Variants in UBA5 observed in about 807,000 individuals in gnomAD.
The protein encoded by UBA5 is ubiquitin like modifier activating enzyme 5.
Under a neutral mutation model 52.9 loss-of-function variants are expected in UBA5, and 28 were observed. That is an observed-to-expected ratio of 0.53 (90% CI 0.39 to 0.73). The LOEUF is 0.73. UBA5 is among the 30% of genes least tolerant of loss of function. The probability of loss-of-function intolerance (pLI) is 0.00; values close to 1 mark genes in which losing one functional copy is unlikely to be tolerated. For synonymous variants in UBA5, 135 were observed against 162.1 expected, an observed-to-expected ratio of 0.83 and a Z score of 1.27; for missense variants, 388 against 492.7, an observed-to-expected ratio of 0.79 and a Z score of 2.01.
In UBA5 at chr3:132,668,856, T is replaced by C; in HGVS notation, c.336T>C (p.Asn112=). The change falls in exon 4 of 12, where the codon AAT becomes AAC. Residue 112 remains asparagine (N), a synonymous_variant. Coordinates refer to ENST00000356232, the MANE Select transcript of UBA5 (RefSeq NM_024818.6). ...ATTATGACAAGGTGGAACTAGCCAA[T>C]ATGAATAGACTTTTCTTCCAACCTC... ...LFDYDKVELA[N]MNRLFFQPHQ... is the part of the protein sequence containing the mutation. 1.9e-6 allele frequency: 3 copies of C among 1,611,698 alleles called. No homozygotes were observed. The South Asian group carries it at 3.3e-5, about 18-fold the overall frequency.
chr3:132,676,911 A>G lies in UBA5; in HGVS notation c.*385A>G. ...GACAATAAAGTAGTATATGATCCTCAGATACAGGGAGAAGGACAAGGCATA... is the reference window on the plus strand; with the variant it reads ...GACAATAAAGTAGTATATGATCCTCGGATACAGGGAGAAGGACAAGGCATA... On this transcript the variant is annotated 3_prime_UTR_variant, in exon 12 of 12. Coordinates refer to ENST00000356232, the MANE Select transcript of UBA5 (RefSeq NM_024818.6). This position sits in a 1 kb window ranked among gnomAD's most constrained non-coding sequence, Gnocchi z 4.1. 1 of 456,376 alleles carries G rather than the reference A, an allele frequency of 2.2e-6. No individual in the cohort carries two copies. The highest frequency in any genetic ancestry group is 1.6e-5 in the South Asian group (1 of 64,448). 28.3% of individuals were successfully genotyped at this position (456,376 alleles called of 1,614,324 possible).
Position 132,660,477 on chromosome 3 carries a change from C to CG in UBA5, c.-60dup. ...ACCCCTCGCGGGCCCAGCCGAGCAA[C>CG]GTGGGGCGAAGGCGGCGGCGAAGGC... On this transcript the variant is annotated 5_prime_UTR_variant, in exon 1 of 12. Transcript: ENST00000356232. The surrounding 1 kb of genome is among the most constrained non-coding windows in gnomAD (Gnocchi z 4.1). 6.5e-7 allele frequency: 1 copy of CG among 1,537,924 alleles called. No homozygotes were observed. Among genetic ancestry groups the CG allele is most frequent in the South Asian group, 1.2e-5 (1 of 83,500 alleles).
chr3:132,658,112 C>T (rs1175228520), upstream of UBA5, among the ~76,000 whole-genome samples: 3 of 152,126 alleles, frequency 2.0e-5, no homozygotes, highest in African/African-American at 7.2e-5. Flanking sequence ...ATCCACGTGC[C>T]TCGGCCTCCC....
At chr3:132,666,330 A>G (rs1002000064) in intron 3 of UBA5, among the ~76,000 whole-genome samples, 1 of 152,182 alleles carries the variant, frequency 6.6e-6, no homozygotes, top group Non-Finnish European at 1.5e-5. Flanking sequence ...TGTTTTAGAT[A>G]TAGAAACTTA....
upstream of UBA5, among the ~76,000 whole-genome samples, chr3:132,657,866 C>CTTTTTT (rs56190801): frequency 3.2e-4 from 38 of 119,156 alleles, no homozygotes; most frequent in African/African-American, 7.1e-4. Flanking sequence ...ACACATATTC[C>CTTTTTT]TTTTTTTTTT....
chr3:132,676,828 C>A lies in UBA5; in HGVS notation c.*302C>A. The A allele has an allele frequency of 2.1e-6, 1 of 476,732 alleles. No individual in the cohort carries two copies. The highest frequency in any genetic ancestry group is 3.1e-4 in the Middle Eastern group (1 of 3,196). 29.5% of individuals were successfully genotyped at this position (476,732 alleles called of 1,614,324 possible). Reference sequence around the variant, plus strand: ...CTTTTGGAGTGGGGGAAGGACAAATCTGATCCTGTAATCTTTTTCTTTCCA... The same window carrying A: ...CTTTTGGAGTGGGGGAAGGACAAATATGATCCTGTAATCTTTTTCTTTCCA... On this transcript the variant is annotated 3_prime_UTR_variant, in exon 12 of 12. Coordinates refer to ENST00000356232, the MANE Select transcript of UBA5 (RefSeq NM_024818.6). The surrounding 1 kb of genome is among the most constrained non-coding windows in gnomAD (Gnocchi z 4.1).
upstream of UBA5, among the ~76,000 whole-genome samples, chr3:132,657,871 T>A (rs1014283897): frequency 1.5e-5 from 2 of 137,862 alleles, no homozygotes; most frequent in African/African-American, 6.6e-5. Context: ...TATTCCTTTT[T>A]TTTTTTTTTT....
upstream of UBA5, among the ~76,000 whole-genome samples, chr3:132,657,418 C>T (rs1348481133): frequency 7.9e-5 from 12 of 152,108 alleles, no homozygotes; most frequent in Admixed American, 7.9e-4. Context: ...CTATCCTTAG[C>T]CCTTCGCTCT....
chr3:132,670,891 C>A (rs1233113578), intron 5 of UBA5, 74 bp from the exon 6 acceptor site: 2 of 1,006,834 alleles, frequency 2.0e-6, no homozygotes, highest in Admixed American at 1.9e-5. Flanking sequence ...AAGTGTTGGA[C>A]TGAACAAGTA....
chr3:132,660,020 A>C, upstream of UBA5: 1 of 415,862 alleles, frequency 2.4e-6, no homozygotes. The surrounding 1 kb of genome is among the most constrained non-coding windows in gnomAD (Gnocchi z 4.1). Context: ...CCTCAATTTT[A>C]AAGAAGGCAA....
At chr3:132,669,280 AT>A (rs1938504727) in intron 4 of UBA5, among the ~76,000 whole-genome samples, 1 of 152,018 alleles carries the variant, frequency 6.6e-6, no homozygotes, top group Non-Finnish European at 1.5e-5. Flanking sequence ...AAAAAATAAA[AT>A]TTTTTTGAGA....
chr3:132,661,598 A>G (rs917145499), intron 1 of UBA5, among the ~76,000 whole-genome samples: 5 of 152,198 alleles, frequency 3.3e-5, no homozygotes, highest in Non-Finnish European at 7.3e-5. Flanking sequence ...CCCCCATTAT[A>G]TAAGTGAGAA....
chr3:132,660,751 T>G lies in UBA5; in HGVS notation c.161+53T>G. On this transcript the variant is annotated intron_variant, in intron 1 of 11. Coordinates refer to ENST00000356232, the MANE Select transcript of UBA5 (RefSeq NM_024818.6). This position sits in a 1 kb window ranked among gnomAD's most constrained non-coding sequence, Gnocchi z 4.1. ...GCGCGGGGGACGAGGTCAGGCTCCG[T>G]GAGGTCAGAAGTGAGGCGCTTCCCA... is the stretch of plus-strand genomic sequence containing the variant. The G allele has an allele frequency of 1.3e-6, 2 of 1,485,666 alleles. No individual in the cohort carries two copies. The highest frequency in any genetic ancestry group is 1.8e-6 in the Non-Finnish European group (2 of 1,111,924). The allele number at this position is 1,485,666 out of a possible 1,614,324, so 92.0% of individuals were successfully genotyped here. A position where few individuals can be genotyped will look rare whatever the true frequency, so the allele number is the denominator to read the frequency against.
chr3:132,671,125 C>A, intron 6 of UBA5, 76 bp downstream of exon 6: 2 of 1,272,434 alleles, frequency 1.6e-6, no homozygotes, highest in South Asian at 2.5e-5. Flanking sequence ...ATATAATCCC[C>A]ATCCTAAAAA....
Position 132,676,694 on chromosome 3 carries a change from A to G in UBA5, c.*168A>G, listed in dbSNP as rs960972349. 16 of 612,542 alleles carry G rather than the reference A, an allele frequency of 2.6e-5. No individual in the cohort carries two copies. The highest frequency in any genetic ancestry group is 3.7e-5 in the African/African-American group (2 of 54,382). The allele number at this position is 612,542 out of a possible 1,614,324, so 37.9% of individuals were successfully genotyped here. A position where few individuals can be genotyped will look rare whatever the true frequency, so the allele number is the denominator to read the frequency against. ...GACTTGCCTGTTTCTCCCCGCTCCA[A>G]CGAAATCATTAACTCTCCTAAAATG... On this transcript the variant is annotated 3_prime_UTR_variant, in exon 12 of 12. Transcript: ENST00000356232. This position sits in a 1 kb window ranked among gnomAD's most constrained non-coding sequence, Gnocchi z 4.1.
Position 132,675,214 on chromosome 3 carries a change from A to T in UBA5, c.813-34A>T, listed in dbSNP as rs779326368. 15 of 1,470,600 alleles carry T rather than the reference A, an allele frequency of 1.0e-5. No individual in the cohort carries two copies. The highest frequency in any genetic ancestry group is 1.3e-5 in the Non-Finnish European group (14 of 1,074,134). The allele number at this position is 1,470,600 out of a possible 1,614,324, so 91.1% of individuals were successfully genotyped here. On this transcript the variant is annotated intron_variant, in intron 8 of 11. Transcript: ENST00000356232. ...TGTTCTAGTATTTTTCATGTTTTAA[A>T]TTTCTTTATTTAAGTCTATTTTGAT...
chr3:132,668,790 C>A (rs372088016), intron 3 of UBA5, 28 bp from the exon 4 acceptor site: 3 of 1,436,060 alleles, frequency 2.1e-6, no homozygotes, highest in South Asian at 1.2e-5. Context: ...GTATGTTTTT[C>A]ATCAGAATAC....
At chr3:132,671,905 A>G (rs774583067) in intron 7 of UBA5, 24 bp downstream of exon 7, 1 of 1,607,914 alleles carries the variant, frequency 6.2e-7, no homozygotes, top group South Asian at 1.1e-5. Flanking sequence ...TTTTTGGAAT[A>G]TTCTTCACTG....
At position 132,665,966 on chromosome 3, in the gene UBA5, C is replaced by T; in HGVS notation, c.208-18C>T. On this transcript the variant is annotated intron_variant, in intron 2 of 11. Transcript: ENST00000356232. ...ATGAAGAGCTATTAACCAACATATACTATTTTATATTTCACAGAAAATCCG... is the reference window on the plus strand; with the variant it reads ...ATGAAGAGCTATTAACCAACATATATTATTTTATATTTCACAGAAAATCCG... The T allele has an allele frequency of 6.2e-7, 1 of 1,611,994 alleles. No individual in the cohort carries two copies. The highest frequency in any genetic ancestry group is 8.5e-7 in the Non-Finnish European group (1 of 1,178,382).
Sources: gnomAD v4.1 joint callset for allele counts (sites outside exome capture counted in the v4.1 genomes callset) on GRCh38, gnomAD v4.1.1 for gene constraint, Gnocchi (gnomAD v3.1) non-coding constraint, MANE v1.5 for transcripts, NCBI Gene and HGNC (gene_info 2026-07-23, HGNC 2026-07-21) for gene names.